HGSNAT: variants seen among roughly 807,000 people sequenced by gnomAD.
HGSNAT encodes the protein transmembrane protein 76.
Under a neutral mutation model 85.2 loss-of-function variants are expected in HGSNAT, and 59 were observed. The observed-to-expected ratio is 0.69, with a 90% confidence interval of 0.56 to 0.86. The LOEUF (loss-of-function observed/expected upper bound fraction) is 0.86. Ranked by LOEUF, HGSNAT falls within the 40% of genes least tolerant of loss-of-function variation. The pLI, the probability that HGSNAT is intolerant of heterozygous loss-of-function variation, is 0.00. For synonymous variants in HGSNAT, 321 were observed against 304.5 expected, an observed-to-expected ratio of 1.05 and a Z score of -0.56; for missense variants, 756 against 777.1, an observed-to-expected ratio of 0.97 and a Z score of 0.32.
intron 2 of HGSNAT, 45 bp from the exon 3 acceptor site, chr8:43,158,530 G>A (rs1176191406): frequency 6.2e-7 from 1 of 1,610,920 alleles, no homozygotes; most frequent in African/African-American, 1.3e-5. Flanking sequence ...ATCAACAGAT[G>A]TTGAAAAACC....
Position 43,175,609 on chromosome 8 carries a change from A to G in HGSNAT, c.851+1866A>G, listed in dbSNP as rs1254464453. ...AAGATGAAGTCTTGCTCTGTAGCCC[A>G]GGTGGGAGTGCAGTGGCATGATCTT... is the stretch of plus-strand genomic sequence containing the variant. On this transcript the variant is annotated intron_variant, in intron 9 of 17. Coordinates refer to ENST00000379644, the MANE Select transcript of HGSNAT (RefSeq NM_152419.3). 4.0e-5 allele frequency among the ~76,000 whole-genome samples: 5 copies of G among 123,582 alleles called. No homozygotes were observed. The Admixed American group carries it at 5.4e-4, about 13-fold the overall frequency. The allele number at this position is 123,582 out of a possible 152,430, so 81.1% of individuals were successfully genotyped here.
chr8:43,172,638 G>T (rs145743135), intron 8 of HGSNAT, among the ~76,000 whole-genome samples: 1 of 152,226 alleles, frequency 6.6e-6, no homozygotes, highest in Non-Finnish European at 1.5e-5. Flanking sequence ...AGTTTCTGCT[G>T]TGGGACTGAG....
intron 10 of HGSNAT, among the ~76,000 whole-genome samples, chr8:43,181,099 GA>G (rs1234242674): frequency 0.12 from 4 of 34 alleles, no homozygotes; most frequent in South Asian, 0.5. Context: ...GAGGGAGAGG[GA>G]GAGGGAGAGG....
At chr8:43,143,459 G>A (rs1353874359) in intron 1 of HGSNAT, among the ~76,000 whole-genome samples, 1 of 152,094 alleles carries the variant, frequency 6.6e-6, no homozygotes, top group Non-Finnish European at 1.5e-5. Context: ...GCTAGTAGGT[G>A]ACTTTGGGCA....
At chr8:43,149,846 A>G (rs1175290744) in intron 2 of HGSNAT, among the ~76,000 whole-genome samples, 1 of 152,204 alleles carries the variant, frequency 6.6e-6, no homozygotes, top group Non-Finnish European at 1.5e-5. Context: ...TATCTTTAAG[A>G]TATTTAAGGT....
At chr8:43,178,721 T>A (rs1287984378) in intron 10 of HGSNAT, among the ~76,000 whole-genome samples, 1 of 149,074 alleles carries the variant, frequency 6.7e-6, no homozygotes, top group Non-Finnish European at 1.5e-5. Flanking sequence ...TGAACAAAGG[T>A]CTCTGGTTTT....
In HGSNAT at chr8:43,198,941, G is replaced by A. The variant is rs1225411459; in HGVS notation, c.1727-447G>A. Among the ~76,000 whole-genome samples the A allele has an allele frequency of 2.6e-5, 4 of 151,856 alleles. 1 individual carries two copies. Among genetic ancestry groups the A allele is most frequent in the South Asian group, 4.2e-4 (2 of 4,812 alleles). On this transcript the variant is annotated intron_variant, in intron 17 of 17. Coordinates refer to ENST00000379644, the MANE Select transcript of HGSNAT (RefSeq NM_152419.3). ...TTTTGAGACACAGTCTTGCTCTGTC[G>A]CCCAGGCTGGAGTGCAGTGGTGTGA...
chr8:43,196,928 CA>C lies in HGSNAT; in HGVS notation c.1465-19del, dbSNP rs1293160357. ...ATCCCTTTGGCGATTCTTTTGGTCA[CA>C]CTGTGTTATCTCCTCCAGGCAGGAA... On this transcript the variant is annotated intron_variant, in intron 14 of 17. Coordinates refer to ENST00000379644, the MANE Select transcript of HGSNAT (RefSeq NM_152419.3). 17 of 1,480,824 alleles carry C rather than the reference CA, an allele frequency of 1.1e-5. No individual in the cohort carries two copies. Among genetic ancestry groups the C allele is most frequent in the Non-Finnish European group, 1.6e-5 (17 of 1,059,488 alleles). The allele number at this position is 1,480,824 out of a possible 1,614,324, so 91.7% of individuals were successfully genotyped here.
At position 43,172,336 on chromosome 8, in the gene HGSNAT, T is replaced by C. The variant is rs1803653448; in HGVS notation, c.770T>C (p.Val257Ala). 6.2e-7 allele frequency: 1 copy of C among 1,612,178 alleles called. No homozygotes were observed. The highest frequency in any genetic ancestry group is 8.5e-7 in the Non-Finnish European group (1 of 1,178,280). The change falls in exon 8 of 18, where the codon GTC becomes GCC. Residue 257 changes from valine to alanine, a missense_variant. Val to Ala is a moderately conservative substitution (Grantham distance 64). Transcript: ENST00000379644. Reference protein sequence around the residue: ...RGIALILMVFVNYGGGKYWYF... With the variant: ...RGIALILMVFANYGGGKYWYF... ...ATTGCTCTTATACTCATGGTCTTTG[T>C]CAATTATGGAGGAGGAAAATATTGG...
chr8:43,163,727 A>C (rs1243317070), intron 5 of HGSNAT, among the ~76,000 whole-genome samples: 1 of 152,022 alleles, frequency 6.6e-6, no homozygotes, highest in Admixed American at 6.6e-5. Context: ...CATCTTGGCC[A>C]AGCTGGTCTT....
chr8:43,168,087 T>C, intron 5 of HGSNAT: 1 of 175,740 alleles, frequency 5.7e-6, no homozygotes, highest in Non-Finnish European at 1.2e-5. Context: ...CCTGGCTAAT[T>C]TTTTTGTATT....
intron 2 of HGSNAT, among the ~76,000 whole-genome samples, chr8:43,150,590 C>T (rs1190101524): frequency 2.0e-5 from 3 of 151,892 alleles, no homozygotes; most frequent in South Asian, 2.1e-4. Context: ...TCCCAGCACT[C>T]TGGGAGGCCA....
At chr8:43,197,107 T>C (rs1804751444) in intron 15 of HGSNAT, 82 bp downstream of exon 15, 1 of 929,962 alleles carries the variant, frequency 1.1e-6, no homozygotes, top group African/African-American at 1.6e-5. Flanking sequence ...TTAGCAACAC[T>C]GAGCTAGCCA....
chr8:43,140,870 GGCGGCGCCCA>G (rs1802501773), intron 1 of HGSNAT, among the ~76,000 whole-genome samples: 4 of 152,158 alleles, frequency 2.6e-5, no homozygotes, highest in Non-Finnish European at 4.4e-5. Context: ...TGGGCGCCCA[GGCGGCGCCCA>G]CCCCAGCGGA....
At chr8:43,184,073 G>A (rs1471627239) in intron 11 of HGSNAT, among the ~76,000 whole-genome samples, 2 of 152,200 alleles carry the variant, frequency 1.3e-5, no homozygotes, top group East Asian at 3.8e-4. Context: ...CTTTGCTATT[G>A]TGAATAGTGC....
At chr8:43,159,089 G>A in intron 4 of HGSNAT, 45 bp downstream of exon 4, 2 of 1,588,336 alleles carry the variant, frequency 1.3e-6, no homozygotes, top group Non-Finnish European at 1.7e-6. Context: ...CATTTTCAGA[G>A]GTTTCAGTTT....
At chr8:43,192,280 T>C in intron 12 of HGSNAT, 24 bp from the exon 13 acceptor site, 1 of 1,595,154 alleles carries the variant, frequency 6.3e-7, no homozygotes, top group Non-Finnish European at 8.5e-7. Flanking sequence ...TCTTGTCATT[T>C]ACATATGCTT....
chr8:43,198,930 C>T (rs548655748), intron 17 of HGSNAT, among the ~76,000 whole-genome samples: 3 of 152,252 alleles, frequency 2.0e-5, no homozygotes, highest in African/African-American at 7.2e-5. Context: ...GAGACACAGT[C>T]TTGCTCTGTC....
chr8:43,158,778 C>CT, intron 3 of HGSNAT, 67 bp downstream of exon 3: 1 of 1,521,936 alleles, frequency 6.6e-7, no homozygotes, highest in Non-Finnish European at 8.8e-7. Flanking sequence ...TTGGTTTTAG[C>CT]TTTTTTTCTC....
Sources: allele counts gnomAD v4.1 joint callset (sites outside exome capture counted in the v4.1 genomes callset), GRCh38; gene constraint gnomAD v4.1.1; transcripts MANE v1.5; gene names NCBI Gene and HGNC (gene_info 2026-07-23, HGNC 2026-07-21).